FMO1: variants seen among roughly 807,000 people sequenced by gnomAD.
The protein encoded by FMO1 is flavin-containing monooxygenase 1.
In FMO1, 36 loss-of-function variants were observed where a neutral mutation model predicts 45.4. That is an observed-to-expected ratio of 0.79 (90% confidence interval 0.61 to 1.05). The LOEUF (loss-of-function observed/expected upper bound fraction) is 1.05, where lower values mean the gene tolerates loss of function less well. Among genes scored for constraint, FMO1 ranks in the 50% least tolerant of loss-of-function variants. The pLI, the probability that FMO1 is intolerant of heterozygous loss-of-function variation, is 0.00. For synonymous variants in FMO1, 228 were observed against 227.2 expected (o/e 1.00, Z -0.03); for missense variants, 615 against 640.3 (o/e 0.96, Z 0.43).
intron 3 of FMO1, 83 bp downstream of exon 3, chr1:171,267,814 G>A (rs913247531): frequency 6.8e-6 from 7 of 1,029,384 alleles, no homozygotes; most frequent in African/African-American, 6.4e-5. Flanking sequence ...CCTGGGCTCT[G>A]TAGATGAGAT....
chr1:171,283,265 TAAAAAAAAAAAAAAAAAAAAA>T (rs35331306), intron 8 of FMO1, 49 bp downstream of exon 8: 7 of 74,720 alleles, frequency 9.4e-5, no homozygotes, highest in South Asian at 1.3e-3. Flanking sequence ...CTGAAATTGG[TAAAAAAAAAAAAAAAAAAAAA>T]AAAAAAAAAA....
chr1:171,257,806 G>T, intron 1 of FMO1: 1 of 417,830 alleles, frequency 2.4e-6, no homozygotes, highest in East Asian at 5.3e-5. Context: ...TCCAGTAAAA[G>T]GTCCAATTCC....
chr1:171,273,684 T>A (rs1241100037), intron 3 of FMO1, among the ~76,000 whole-genome samples: 1 of 152,124 alleles, frequency 6.6e-6, no homozygotes, highest in Non-Finnish European at 1.5e-5. Context: ...TGGCTATATT[T>A]TTTTTAATTT....
In FMO1 at chr1:171,285,190, C is replaced by T. The variant is rs769003290; in HGVS notation, c.1257-12C>T. On this transcript the variant is annotated splice_polypyrimidine_tract_variant and intron_variant, in intron 8 of 8. Coordinates refer to ENST00000617670, the MANE Select transcript of FMO1 (RefSeq NM_001282693.2). ...TGTCTTCACCTTTTCCCCCAATCTT[C>T]CTTTTATAAAGGTTTGGCTTGTGCT... 4 of 1,521,228 alleles carry T rather than the reference C, an allele frequency of 2.6e-6. No homozygotes were observed. Among genetic ancestry groups the T allele is most frequent in the Non-Finnish European group, 3.5e-6 (4 of 1,128,184 alleles). 94.2% of individuals were successfully genotyped at this position (1,521,228 alleles called of 1,614,324 possible). A position where few individuals can be genotyped will look rare whatever the true frequency, so the allele number is the denominator to read the frequency against.
chr1:171,263,449 T>C (rs142441920), intron 2 of FMO1, among the ~76,000 whole-genome samples: 1 of 152,322 alleles, frequency 6.6e-6, no homozygotes, highest in Non-Finnish European at 1.5e-5. Flanking sequence ...CATGCATTTC[T>C]GGAGTCTGTT....
At chr1:171,283,925 T>G (rs976621375) in intron 8 of FMO1, among the ~76,000 whole-genome samples, 1 of 152,156 alleles carries the variant, frequency 6.6e-6, no homozygotes, top group Non-Finnish European at 1.5e-5. Flanking sequence ...TTTTTCAGAA[T>G]AAAGTTTATT....
intron 2 of FMO1, among the ~76,000 whole-genome samples, chr1:171,260,560 A>G (rs986014808): frequency 1.3e-5 from 2 of 152,182 alleles, no homozygotes; most frequent in African/African-American, 4.8e-5. Flanking sequence ...GAGGCCCTCA[A>G]TTCTATCGAG....
Position 171,251,307 on chromosome 1 carries a change from C to T in FMO1, c.-7+2684C>T, listed in dbSNP as rs12758754. 2.7e-4 allele frequency among the ~76,000 whole-genome samples: 41 copies of T among 150,964 alleles called. No individual in the cohort carries two copies. The East Asian group carries it at 6.8e-3, about 25-fold the overall frequency. On this transcript the variant is annotated intron_variant, in intron 1 of 8. Transcript: ENST00000617670. Reference sequence around the variant, plus strand: ...CTCAGCAGGGAGCCTGTAAGTGGCTCGGACCCTCAGCTGGACTGGCAGGGC... The same window carrying T: ...CTCAGCAGGGAGCCTGTAAGTGGCTTGGACCCTCAGCTGGACTGGCAGGGC...
chr1:171,279,422 T>A (rs1363048011), intron 5 of FMO1, among the ~76,000 whole-genome samples: 1 of 152,176 alleles, frequency 6.6e-6, no homozygotes, highest in East Asian at 1.9e-4. Context: ...ACTGTTAGTA[T>A]CCTTGACTGC....
Position 171,285,307 on chromosome 1 carries a change from A to G in FMO1, c.1362A>G (p.Leu454=). The G allele has an allele frequency of 2.5e-6, 4 of 1,613,954 alleles. No individual in the cohort carries two copies. The highest frequency in any genetic ancestry group is 3.4e-6 in the Non-Finnish European group (4 of 1,179,904). The change falls in exon 9 of 9, where the codon CTA becomes CTG. Residue 454 remains leucine (L), a synonymous_variant. Coordinates refer to ENST00000617670, the MANE Select transcript of FMO1 (RefSeq NM_001282693.2). ...AACCCAACCTGTTCTCTATGCTCCT[A>G]ACGGATCCACATCTGGCTCTGACCG... ...NAKPNLFSML[L]TDPHLALTVF... is the part of the protein sequence containing the mutation.
intron 3 of FMO1, among the ~76,000 whole-genome samples, chr1:171,268,080 G>T (rs1324130252): frequency 5.3e-5 from 8 of 152,040 alleles, no homozygotes; most frequent in Admixed American, 1.3e-4. Context: ...CTCCTGTTTG[G>T]TTTTTTGTCT....
chr1:171,269,885 C>T (rs1327177445), intron 3 of FMO1, among the ~76,000 whole-genome samples: 1 of 152,102 alleles, frequency 6.6e-6, no homozygotes, highest in Non-Finnish European at 1.5e-5. Flanking sequence ...TAAAAGCTGG[C>T]CCAATTAATT....
intron 4 of FMO1, among the ~76,000 whole-genome samples, chr1:171,276,514 G>A (rs1237453883): frequency 1.3e-5 from 2 of 152,172 alleles, no homozygotes; most frequent in African/African-American, 4.8e-5. Flanking sequence ...GCAAGGCTCT[G>A]AGCAGCCATC....
At chr1:171,273,941 G>A (rs1206262206) in intron 3 of FMO1, among the ~76,000 whole-genome samples, 1 of 152,060 alleles carries the variant, frequency 6.6e-6, no homozygotes, top group African/African-American at 2.4e-5. Context: ...CAAGGTGGGT[G>A]GATCAAGACC....
intron 4 of FMO1, among the ~76,000 whole-genome samples, chr1:171,277,788 C>T (rs1661169061): frequency 6.6e-6 from 1 of 152,156 alleles, no homozygotes; most frequent in Non-Finnish European, 1.5e-5. Context: ...TAGGTTTTAA[C>T]TTGGATTCGT....
chr1:171,249,320 C>G (rs1274890952), intron 1 of FMO1, among the ~76,000 whole-genome samples: 1 of 152,038 alleles, frequency 6.6e-6, no homozygotes, highest in Non-Finnish European at 1.5e-5. Flanking sequence ...GAAACTGAGT[C>G]CTTGGTTATT....
chr1:171,256,272 CAAAAAAAA>C (rs34529047), intron 1 of FMO1, among the ~76,000 whole-genome samples: 5 of 78,284 alleles, frequency 6.4e-5, no homozygotes, highest in African/African-American at 2.6e-4. Context: ...GACTCCATCT[CAAAAAAAA>C]AAAAAAAAAA....
At chr1:171,259,394 T>A (rs1660291834) in intron 2 of FMO1, among the ~76,000 whole-genome samples, 1 of 152,150 alleles carries the variant, frequency 6.6e-6, no homozygotes, top group Non-Finnish European at 1.5e-5. Context: ...GCATGCCTCT[T>A]CTCAGGAATC....
At chr1:171,257,250 T>C (rs1027272029) in intron 1 of FMO1, among the ~76,000 whole-genome samples, 9 of 152,090 alleles carry the variant, frequency 5.9e-5, no homozygotes, top group Non-Finnish European at 1.3e-4. Flanking sequence ...CAGAGCCTGG[T>C]TGCTTAATCA....
Sources: gnomAD v4.1 joint callset for allele counts (sites outside exome capture counted in the v4.1 genomes callset) on GRCh38, gnomAD v4.1.1 for gene constraint, MANE v1.5 for transcripts, NCBI Gene and HGNC (gene_info 2026-07-23, HGNC 2026-07-21) for gene names.